AGBL5: variants seen among roughly 807,000 people sequenced by gnomAD.
AGBL5 encodes the protein cytosolic carboxypeptidase-like protein 5.
Under a neutral mutation model 88.0 loss-of-function variants are expected in AGBL5, and 51 were observed. That is an observed-to-expected ratio of 0.58 (90% confidence interval 0.46 to 0.73). The LOEUF (loss-of-function observed/expected upper bound fraction) is 0.73. AGBL5 is among the 30% of genes least tolerant of loss of function. AGBL5 has a pLI of 0.00. For missense variants in AGBL5, 1,031 were observed against 1,162.2 expected (o/e 0.89, Z 1.64); for synonymous variants, 446 against 438.8 (o/e 1.02, Z -0.21).
Position 27,059,254 on chromosome 2 carries a change from A to G in AGBL5, c.1939A>G (p.Ser647Gly). 2 of 1,614,226 alleles carry G rather than the reference A, an allele frequency of 1.2e-6. No individual in the cohort carries two copies. The highest frequency in any genetic ancestry group is 1.3e-5 in the African/African-American group (1 of 75,054). ...GGCACGAAGTTTTAGCACCGGCACA[A>G]GTGCCGGTGGTAGCAGCAGCAGCCA... ...SRARSFSTGT[S>G]AGGSSSSQQN... The change falls in exon 11 of 15, where the codon AGT becomes GGT. Residue 647 changes from serine (S) to glycine (G), a missense_variant. Coordinates refer to ENST00000360131, the MANE Select transcript of AGBL5 (RefSeq NM_021831.6).
chr2:27,070,007 T>G, intron 14 of AGBL5, 85 bp from the exon 15 acceptor site: 1 of 1,539,214 alleles, frequency 6.5e-7, no homozygotes, highest in Non-Finnish European at 8.8e-7. Flanking sequence ...TCGCTCCACT[T>G]CTTTCACTTC....
chr2:27,055,845 C>T lies in AGBL5; in HGVS notation c.1072C>T (p.Pro358Ser). ...GCACCAGCCCAGTTCCTGTCTCCCT[C>T]CTGATGCTCCTGTTTCTGACCTGGA... is the stretch of plus-strand genomic sequence containing the variant. ...SEHQPSSCLP[P>S]DAPVSDLEKA... The change falls in exon 7 of 15, where the codon CCT becomes TCT. Residue 358 changes from proline (P) to serine (S), a missense_variant. Coordinates refer to ENST00000360131, the MANE Select transcript of AGBL5 (RefSeq NM_021831.6). 6.2e-7 allele frequency: 1 copy of T among 1,614,220 alleles called. No individual in the cohort carries two copies. The highest frequency in any genetic ancestry group is 8.5e-7 in the Non-Finnish European group (1 of 1,180,052).
At position 27,053,597 on chromosome 2, in the gene AGBL5, G is replaced by A. The variant is rs754252420; in HGVS notation, c.387+24G>A. ...AGGTAAGTTCTCCATGAGGAGGAAA[G>A]AAAGACTTGGGTGCTAAAAGTAGAG... On this transcript the variant is annotated intron_variant, in intron 3 of 14. Transcript: ENST00000360131. This position sits in a 1 kb window ranked among gnomAD's most constrained non-coding sequence, Gnocchi z 4.9. 3.8e-6 allele frequency: 6 copies of A among 1,594,464 alleles called. No individual in the cohort carries two copies. The highest frequency in any genetic ancestry group is 3.6e-5 in the Admixed American group (2 of 55,364).
At chr2:27,064,408 G>A (rs1466624098) in intron 11 of AGBL5, among the ~76,000 whole-genome samples, 4 of 151,348 alleles carry the variant, frequency 2.6e-5, no homozygotes, top group Admixed American at 2.6e-4. Flanking sequence ...TGATCCTCCA[G>A]CCTCAGCCTC....
chr2:27,067,592 G>T lies in AGBL5; in HGVS notation c.2188G>T (p.Ala730Ser). 1 of 1,614,032 alleles carries T rather than the reference G, an allele frequency of 6.2e-7. No individual in the cohort carries two copies. Residue 730 changes from alanine to serine, a missense_variant, in exon 12 of 15, where the codon GCC (alanine) becomes TCC (serine). Ala to Ser is a moderately conservative substitution (Grantham distance 99, BLOSUM62 1). Around this residue, in one of 2 missense-constraint regions of AGBL5, gnomAD observed 491 missense variants for 484.0 expected, o/e 1.01. Transcript: ENST00000360131. The part of the protein sequence containing the change: ...PSPAPTSSGP[A>S]SSHKLGSCLL... ...CCCAGCTCCTACTAGTTCTGGCCCA[G>T]CCTCCTCACACAAGCTGGGCTCCTG...
chr2:27,050,766 T>A (rs184685495), upstream of AGBL5, among the ~76,000 whole-genome samples: 4 of 151,982 alleles, frequency 2.6e-5, no homozygotes, highest in African/African-American at 7.2e-5. Flanking sequence ...ATCAGCAGCA[T>A]CTTATCGCAG....
At chr2:27,062,259 G>C in intron 11 of AGBL5, among the ~76,000 whole-genome samples, 1 of 151,590 alleles carries the variant, frequency 6.6e-6, no homozygotes, top group East Asian at 1.9e-4. Context: ...AATTAGCTGG[G>C]ATTACAGGGA....
chr2:27,067,784 A>G (rs559265838), intron 12 of AGBL5, 138 bp downstream of exon 12: 20 of 949,352 alleles, frequency 2.1e-5, no homozygotes, highest in Admixed American at 1.9e-4. Flanking sequence ...GTGCCTTTGT[A>G]TAGGAAGCTG....
chr2:27,053,237 CTT>C lies in AGBL5; in HGVS notation c.215+65_215+66del. On this transcript the variant is annotated intron_variant, in intron 2 of 14. Coordinates refer to ENST00000360131, the MANE Select transcript of AGBL5 (RefSeq NM_021831.6). This position sits in a 1 kb window ranked among gnomAD's most constrained non-coding sequence, Gnocchi z 4.9. ...ACCCATGCTTCAGTTAGCCCTCTGA[CTT>C]ATCTGTTCATACCCAGCATACTCCC... The C allele has an allele frequency of 6.5e-7, 1 of 1,531,766 alleles. No individual in the cohort carries two copies. The highest frequency in any genetic ancestry group is 1.9e-5 in the Admixed American group (1 of 52,328). The allele number at this position is 1,531,766 out of a possible 1,614,324, so 94.9% of individuals were successfully genotyped here.
chr2:27,061,184 C>T (rs1016590302), intron 11 of AGBL5: 2 of 151,874 alleles, frequency 1.3e-5, no homozygotes, highest in African/African-American at 2.4e-5. Context: ...CTGCTTTAGC[C>T]TCCCGAGTAG....
intron 11 of AGBL5, chr2:27,062,341 G>T (rs950858086): frequency 6.6e-6 from 1 of 151,236 alleles, no homozygotes; most frequent in Non-Finnish European, 1.5e-5. Flanking sequence ...GGTCAGGCTG[G>T]TCTTGAACTC....
chr2:27,059,029 A>T (rs923260701), intron 10 of AGBL5, among the ~76,000 whole-genome samples, 161 bp from the exon 11 acceptor site: 1 of 152,226 alleles, frequency 6.6e-6, no homozygotes, highest in African/African-American at 2.4e-5. Context: ...TCCCCAGGTT[A>T]GATACTTCAT....
At position 27,067,626 on chromosome 2, in the gene AGBL5, CTGAT is replaced by C; in HGVS notation, c.2224_2227del (p.Asp742HisfsTer23). On this transcript the variant is annotated frameshift_variant, in exon 12 of 15. Transcript: ENST00000360131. LOFTEE classifies it high-confidence loss of function. ...CACAAGCTGGGCTCCTGTCTACTGCCTGATTCATTCAACATACCAGGTCTGTACC... is the reference window on the plus strand; with the variant it reads ...CACAAGCTGGGCTCCTGTCTACTGCCTCATTCAACATACCAGGTCTGTACC... 1 of 1,613,038 alleles carries C rather than the reference CTGAT, an allele frequency of 6.2e-7. No homozygotes were observed. The highest frequency in any genetic ancestry group is 8.5e-7 in the Non-Finnish European group (1 of 1,179,200).
In AGBL5 at chr2:27,058,448, C is replaced by G. The variant is rs1668546730; in HGVS notation, c.1720C>G (p.Pro574Ala). The G allele has an allele frequency of 6.2e-7, 1 of 1,613,808 alleles. No individual in the cohort carries two copies. The highest frequency in any genetic ancestry group is 1.3e-5 in the African/African-American group (1 of 74,906). Residue 574 changes from proline (P) to alanine (A), a missense_variant, in exon 10 of 15, where the codon CCG (proline) becomes GCG (alanine). Coordinates refer to ENST00000360131, the MANE Select transcript of AGBL5 (RefSeq NM_021831.6). The part of the protein sequence containing the change: ...IAALDMAECN[P>A]WPRIVLSEHS... Reference sequence around the variant, plus strand: ...AGCCCTGGACATGGCGGAATGTAATCCGTGGCCCCGAATTGTACTGTCAGA... The same window carrying G: ...AGCCCTGGACATGGCGGAATGTAATGCGTGGCCCCGAATTGTACTGTCAGA...
rs1668613984 is a variant in AGBL5, at chr2:27,059,642, A to G, written c.2089+238A>G. ...GGGTATCTGGGCTTCAGTGCATGCT[A>G]GGAGCCAGGGAAGTTTCCAAGGATG... On this transcript the variant is annotated intron_variant, in intron 11 of 14. Transcript: ENST00000360131. 5 of 899,978 alleles carry G rather than the reference A, an allele frequency of 5.6e-6. No homozygotes were observed. In the Admixed American group the frequency reaches 1.5e-4, roughly 27 times the overall value. The allele number at this position is 899,978 out of a possible 1,614,324, so 55.7% of individuals were successfully genotyped here.
upstream of AGBL5, chr2:27,050,940 G>A (rs1392617481): frequency 2.6e-5 from 4 of 152,238 alleles, no homozygotes; most frequent in Non-Finnish European, 4.4e-5. Flanking sequence ...GAGGCCTCCT[G>A]TGACTTAGCA....
At chr2:27,056,297 G>C in intron 7 of AGBL5, 159 bp downstream of exon 7, 1 of 706,478 alleles carries the variant, frequency 1.4e-6, no homozygotes, top group Non-Finnish European at 2.3e-6. Flanking sequence ...AGAAGAGATG[G>C]CACAGGGGGA....
Position 27,067,646 on chromosome 2 carries a change from G to A in AGBL5, c.2242G>A (p.Gly748Arg), listed in dbSNP as rs1558425159. The A allele has an allele frequency of 1.2e-6, 2 of 1,613,010 alleles. No homozygotes were observed. The highest frequency in any genetic ancestry group is 1.7e-5 in the Admixed American group (1 of 59,960). The part of the protein sequence containing the change: ...CLLPDSFNIP[G>R]SSCSLLSSGD... ...ACTGCCTGATTCATTCAACATACCA[G>A]GTCTGTACCCACTGCCACTGAAATC... The change falls in exon 12 of 15, where the codon GGG (glycine) becomes AGG (arginine). Residue 748 changes from glycine (G) to arginine (R), a missense_variant and splice_region_variant. Physicochemically the swap from Gly to Arg is moderately radical, Grantham distance 125. This residue lies in a region of AGBL5 where 491 missense variants were observed against 484.0 expected (regional missense o/e 1.01). Transcript: ENST00000360131.
upstream of AGBL5, chr2:27,051,282 C>G (rs550661656): frequency 6.6e-6 from 1 of 152,222 alleles, no homozygotes; most frequent in Non-Finnish European, 1.5e-5. Context: ...TGCCCGCATC[C>G]TCCACTCAGC....
Sources: allele counts gnomAD v4.1 joint callset (sites outside exome capture counted in the v4.1 genomes callset), GRCh38; gene constraint gnomAD v4.1.1; regional missense constraint gnomAD v4.1.1; non-coding constraint Gnocchi (gnomAD v3.1); transcripts MANE v1.5; gene names NCBI Gene and HGNC (gene_info 2026-07-23, HGNC 2026-07-21).